NETO1: variants seen among roughly 807,000 people sequenced by gnomAD.
The protein encoded by NETO1 is neuropilin and tolloid like 1, also known as neuropilin and tolloid-like protein 1.
Under a neutral mutation model 61.3 loss-of-function variants are expected in NETO1, and 26 were observed. The ratio of observed to expected loss-of-function variants is 0.42; its 90% confidence interval spans 0.31 to 0.59. The LOEUF (loss-of-function observed/expected upper bound fraction) is 0.59. NETO1 is among the 20% of genes least tolerant of loss of function. NETO1 has a pLI of 0.12. For synonymous variants in NETO1, 225 were observed against 225.8 expected, an observed-to-expected ratio of 1.00 and a Z score of 0.03; for missense variants, 531 against 662.8, an observed-to-expected ratio of 0.80 and a Z score of 2.18.
chr18:72,765,707 G>A (rs2071131608), intron 7 of NETO1, among the ~76,000 whole-genome samples: 1 of 152,088 alleles, frequency 6.6e-6, no homozygotes, highest in South Asian at 2.1e-4. Context: ...GTGAGCCACA[G>A]TGCCAGGCCA....
intron 8 of NETO1, among the ~76,000 whole-genome samples, chr18:72,750,934 A>G (rs2070589026): frequency 7.4e-6 from 1 of 136,038 alleles, no homozygotes; most frequent in Non-Finnish European, 1.6e-5. Context: ...TATCTAATCT[A>G]TCGTAGGTTA....
At chr18:72,835,382 T>A in intron 4 of NETO1, 2 of 1,416,390 alleles carry the variant, frequency 1.4e-6, no homozygotes, top group East Asian at 4.8e-5. Flanking sequence ...GCATGAATTG[T>A]AGGAAGTCCA....
Position 72,747,278 on chromosome 18 carries a change from A to T in NETO1, c.*901T>A, listed in dbSNP as rs2145061266. 1 of 152,146 alleles carries T rather than the reference A, an allele frequency of 6.6e-6. No individual in the cohort carries two copies. Among genetic ancestry groups the T allele is most frequent in the East Asian group, 1.9e-4 (1 of 5,182 alleles). 9.4% of individuals were successfully genotyped at this position (152,146 alleles called of 1,614,324 possible). ...TTTATATAAAAAGTCGTAAGTAGCA[A>T]GCATATGACATAAAGAAATGGAAGA... On this transcript the variant is annotated 3_prime_UTR_variant, in exon 11 of 11. Coordinates refer to ENST00000327305, the MANE Select transcript of NETO1 (RefSeq NM_138966.5).
rs570280243 is a variant in NETO1, at chr18:72,775,431, A to T, written c.868+8247T>A. ...GTAAAAATATGATGGCTAAAAATGC[A>T]TTCATATAGTCCCCAAAATAGCATG... On this transcript the variant is annotated intron_variant, in intron 7 of 10. Transcript: ENST00000327305. Among the ~76,000 whole-genome samples the T allele has an allele frequency of 1.5e-4, 23 of 152,306 alleles. No homozygotes were observed. In the South Asian group the frequency reaches 2.7e-3, roughly 18 times the overall value.
At chr18:72,823,762 G>A (rs966691480) in intron 4 of NETO1, among the ~76,000 whole-genome samples, 1 of 152,154 alleles carries the variant, frequency 6.6e-6, no homozygotes, top group Non-Finnish European at 1.5e-5. Flanking sequence ...AAATTCACAT[G>A]CTTGTGTCCA....
In NETO1 at chr18:72,745,345, G is replaced by A. The variant is rs759683935; in HGVS notation, c.*2834C>T. 3 of 151,980 alleles carry A rather than the reference G, an allele frequency of 2.0e-5. No individual in the cohort carries two copies. The highest frequency in any genetic ancestry group is 2.9e-5 in the Non-Finnish European group (2 of 68,008). 9.4% of individuals were successfully genotyped at this position (151,980 alleles called of 1,614,324 possible). On this transcript the variant is annotated 3_prime_UTR_variant, in exon 11 of 11. Coordinates refer to ENST00000327305, the MANE Select transcript of NETO1 (RefSeq NM_138966.5). ...GACAGAAGTACGAAGCTTAATATGGGGATTCATTGGCATTGCATGTGATTA... is the reference window on the plus strand; with the variant it reads ...GACAGAAGTACGAAGCTTAATATGGAGATTCATTGGCATTGCATGTGATTA...
intron 3 of NETO1, among the ~76,000 whole-genome samples, chr18:72,861,236 G>C (rs1345569809): frequency 6.6e-6 from 1 of 152,170 alleles, no homozygotes; most frequent in South Asian, 2.1e-4. Flanking sequence ...CATTGTATGT[G>C]GATGATTTAT....
At chr18:72,799,225 C>T (rs1361544727) in intron 4 of NETO1, among the ~76,000 whole-genome samples, 1 of 152,174 alleles carries the variant, frequency 6.6e-6, no homozygotes, top group Non-Finnish European at 1.5e-5. Context: ...ACTAGATGAA[C>T]TGATGAAATG....
At chr18:72,828,041 G>A (rs971883810) in intron 4 of NETO1, among the ~76,000 whole-genome samples, 1 of 152,186 alleles carries the variant, frequency 6.6e-6, no homozygotes, top group Non-Finnish European at 1.5e-5. Flanking sequence ...AGCCAGGCGT[G>A]GTGGCTCACG....
intron 4 of NETO1, among the ~76,000 whole-genome samples, chr18:72,852,150 T>C (rs2074269563): frequency 6.6e-6 from 1 of 152,206 alleles, no homozygotes; most frequent in Non-Finnish European, 1.5e-5. Context: ...TAAGTACTCT[T>C]CTTTTCTCCA....
chr18:72,856,004 C>T (rs1376882941), intron 4 of NETO1, among the ~76,000 whole-genome samples: 1 of 152,096 alleles, frequency 6.6e-6, no homozygotes, highest in Non-Finnish European at 1.5e-5. Flanking sequence ...ACTCAGAATT[C>T]TTAATGAAAA....
At chr18:72,801,499 T>G (rs1465967403) in intron 4 of NETO1, among the ~76,000 whole-genome samples, 1 of 152,176 alleles carries the variant, frequency 6.6e-6, no homozygotes, top group Non-Finnish European at 1.5e-5. Context: ...TGAATGTATT[T>G]TCAAATATTC....
intron 7 of NETO1, among the ~76,000 whole-genome samples, chr18:72,769,426 T>A (rs1050520388): frequency 1.3e-5 from 2 of 152,190 alleles, no homozygotes; most frequent in Admixed American, 1.3e-4. Context: ...GTATTAAAAC[T>A]CTACTGATGG....
intron 8 of NETO1, among the ~76,000 whole-genome samples, chr18:72,754,381 G>C (rs778362354): frequency 1.1e-4 from 17 of 151,994 alleles, no homozygotes; most frequent in Non-Finnish European, 1.5e-4. Flanking sequence ...CAATGTAAAG[G>C]CAAAGATTTT....
At chr18:72,796,646 T>G (rs1363788227) in intron 4 of NETO1, among the ~76,000 whole-genome samples, 1 of 152,078 alleles carries the variant, frequency 6.6e-6, no homozygotes, top group East Asian at 1.9e-4. Context: ...CCAGCTAATT[T>G]TTTGTACTTT....
chr18:72,851,409 C>CAAAAAAAAAA (rs1393321268), intron 4 of NETO1, among the ~76,000 whole-genome samples: 10 of 132,082 alleles, frequency 7.6e-5, no homozygotes, highest in Middle Eastern at 3.6e-3. Context: ...GAAACTCCCT[C>CAAAAAAAAAA]AAAACAAAAA....
At chr18:72,861,602 T>A (rs564106285) in intron 3 of NETO1, among the ~76,000 whole-genome samples, 2 of 152,216 alleles carry the variant, frequency 1.3e-5, no homozygotes, top group African/African-American at 4.8e-5. Flanking sequence ...AGTGCACATA[T>A]ATACAGAATA....
intron 10 of NETO1, 56 bp downstream of exon 10, chr18:72,748,958 T>C: frequency 1.9e-6 from 2 of 1,073,664 alleles, no homozygotes; most frequent in Non-Finnish European, 2.9e-6. Flanking sequence ...TACAAGACAG[T>C]TGCAACAAAA....
rs372382845 is a variant in NETO1, at chr18:72,858,778, A to G, written c.469+48T>C. On this transcript the variant is annotated intron_variant, in intron 4 of 10. Coordinates refer to ENST00000327305, the MANE Select transcript of NETO1 (RefSeq NM_138966.5). ...ACACAAGATTTTGTACTATGAAGAT[A>G]GAAAAATGAGGAAGAAAAAGAAATT... 3 of 1,518,784 alleles carry G rather than the reference A, an allele frequency of 2.0e-6. No homozygotes were observed. In the South Asian group the frequency reaches 3.9e-5, roughly 20 times the overall value. 94.1% of individuals were successfully genotyped at this position (1,518,784 alleles called of 1,614,324 possible). A position where few individuals can be genotyped will look rare whatever the true frequency, so the allele number is the denominator to read the frequency against.
Sources: gnomAD v4.1 joint callset for allele counts (sites outside exome capture counted in the v4.1 genomes callset) on GRCh38, gnomAD v4.1.1 for gene constraint, MANE v1.5 for transcripts, NCBI Gene and HGNC (gene_info 2026-07-23, HGNC 2026-07-21) for gene names.